The following EIF4G3 variants were observed in gnomAD, a reference collection of about 807,000 sequenced individuals.
EIF4G3 encodes eukaryotic translation initiation factor 4 gamma 3, also known as eIF-4-gamma 3.
A neutral mutation model predicts 186.4 loss-of-function variants in EIF4G3; 34 were observed. The ratio of observed to expected loss-of-function variants is 0.18; its 90% confidence interval spans 0.14 to 0.24. The LOEUF (loss-of-function observed/expected upper bound fraction) is 0.24, where lower values mean the gene tolerates loss of function less well. Among genes scored for constraint, EIF4G3 ranks in the 10% least tolerant of loss-of-function variants. The pLI is 1.00. For missense variants in EIF4G3, 1,536 were observed against 1,948.5 expected (o/e 0.79, Z 3.99); for synonymous variants, 673 against 679.5 (o/e 0.99, Z 0.15).
chr1:20,982,259 A>G (rs1355522807), intron 8 of EIF4G3, 129 bp downstream of exon 8: 5 of 695,768 alleles, frequency 7.2e-6, no homozygotes, highest in Non-Finnish European at 1.1e-5. Flanking sequence ...TGCAAGATTA[A>G]AAGCCTTGAA....
At chr1:20,816,115 C>G (rs80106457) in intron 34 of EIF4G3, among the ~76,000 whole-genome samples, 3 of 134,444 alleles carry the variant, frequency 2.2e-5, no homozygotes, top group East Asian at 2.3e-4. Context: ...ATCAGCCCCC[C>G]GCCCGGCCAG....
chr1:20,948,412 G>A (rs535616921), intron 13 of EIF4G3, among the ~76,000 whole-genome samples: 220 of 152,214 alleles, frequency 1.4e-3, no homozygotes, highest in Non-Finnish European at 2.5e-3. Flanking sequence ...GCAGTTTTTT[G>A]AAGCATGCCA....
intron 29 of EIF4G3, chr1:20,847,818 C>A (rs1165568245): frequency 2.1e-6 from 1 of 471,764 alleles, no homozygotes; most frequent in Non-Finnish European, 4.4e-6. Context: ...CCACCTCACT[C>A]ATCATCAAAA....
chr1:21,084,608 C>T (rs1376053189), intron 3 of EIF4G3, among the ~76,000 whole-genome samples: 1 of 152,162 alleles, frequency 6.6e-6, no homozygotes, highest in Non-Finnish European at 1.5e-5. Context: ...TCCCTCCATT[C>T]CAGCCACACT....
At position 21,035,417 on chromosome 1, in the gene EIF4G3, C is replaced by T. The variant is rs151311150; in HGVS notation, c.-67+15449G>A. ...AGGTCATGGCTGTGGGCCCAGGCCTCTCAATGCTCTCAGGGGCCTGGGAGA... is the reference window on the plus strand; with the variant it reads ...AGGTCATGGCTGTGGGCCCAGGCCTTTCAATGCTCTCAGGGGCCTGGGAGA... On this transcript the variant is annotated intron_variant, in intron 4 of 36. Transcript: ENST00000602326. 1.8e-3 allele frequency among the ~76,000 whole-genome samples: 273 copies of T among 152,298 alleles called. 1 individual carries two copies. The highest frequency in any genetic ancestry group is 6.1e-3 in the African/African-American group (253 of 41,582).
intron 7 of EIF4G3, among the ~76,000 whole-genome samples, chr1:20,983,497 CAG>C (rs1411441016): frequency 5.9e-5 from 9 of 152,182 alleles, no homozygotes; most frequent in Non-Finnish European, 1.0e-4. Flanking sequence ...ACAAAGCAAA[CAG>C]AATCTATCAT....
chr1:21,153,618 T>C (rs894096388), intron 2 of EIF4G3, among the ~76,000 whole-genome samples: 2 of 152,126 alleles, frequency 1.3e-5, no homozygotes, highest in Admixed American at 1.3e-4. Flanking sequence ...TGCAGTGCAA[T>C]GAATTGCACA....
chr1:20,898,998 G>A (rs2089424991), intron 16 of EIF4G3, among the ~76,000 whole-genome samples: 1 of 152,166 alleles, frequency 6.6e-6, no homozygotes, highest in Non-Finnish European at 1.5e-5. Flanking sequence ...CCTAAGTGCT[G>A]GGATTACAGG....
rs573470060 is a variant in EIF4G3 at position 20,925,809 on chromosome 1, C to T, written c.1663+15682G>A. Among the ~76,000 whole-genome samples the T allele has an allele frequency of 5.3e-5, 8 of 152,298 alleles. No homozygotes were observed. The South Asian group carries it at 1.2e-3, about 24-fold the overall frequency. On this transcript the variant is annotated intron_variant, in intron 14 of 36. Coordinates refer to ENST00000602326, the MANE Select transcript of EIF4G3 (RefSeq NM_001391906.1). ...AGCCTTGCAAAGTGCTGGGATTATA[C>T]GTGTGAGCCACAGCAGCCAGCCTAC... is the stretch of plus-strand genomic sequence containing the variant.
Position 20,882,176 on chromosome 1 carries a change from TACACAC to T in EIF4G3, c.2425-2662_2425-2657del, listed in dbSNP as rs138208807. Among the ~76,000 whole-genome samples the T allele has an allele frequency of 1.7e-3, 146 of 87,022 alleles. 1 individual carries two copies. Among genetic ancestry groups the T allele is most frequent in the African/African-American group, 2.2e-3 (64 of 29,524 alleles). 57.1% of individuals were successfully genotyped at this position (87,022 alleles called of 152,430 possible). The stretch of plus-strand genomic sequence containing the variant: ...ACCCTGTCTCCAAAAAAAGAAAAAT[TACACAC>T]ACACACACACACACACACACACACA... On this transcript the variant is annotated intron_variant, in intron 19 of 36. Transcript: ENST00000602326.
chr1:21,063,720 T>TGGGG (rs148563014), intron 3 of EIF4G3, among the ~76,000 whole-genome samples: 1 of 54,852 alleles, frequency 1.8e-5, no homozygotes, highest in Non-Finnish European at 3.4e-5. Flanking sequence ...GGGGGGGTGT[T>TGGGG]GGGGGGGGGG....
intron 4 of EIF4G3, among the ~76,000 whole-genome samples, chr1:21,012,563 A>T (rs2087483928): frequency 6.6e-6 from 1 of 152,228 alleles, no homozygotes; most frequent in African/African-American, 2.4e-5. Context: ...TACCGACCAA[A>T]GTACCTTTGT....
intron 4 of EIF4G3, among the ~76,000 whole-genome samples, chr1:21,028,150 T>C (rs2092368238): frequency 6.6e-6 from 1 of 152,212 alleles, no homozygotes; most frequent in Non-Finnish European, 1.5e-5. Context: ...AGGGAAGTTA[T>C]TGTTTAATGG....
intron 3 of EIF4G3, among the ~76,000 whole-genome samples, chr1:21,059,582 C>T (rs914972055): frequency 2.0e-5 from 3 of 151,988 alleles, no homozygotes; most frequent in African/African-American, 7.2e-5. Context: ...GGCATTCCTC[C>T]TTGCTCTACT....
intron 4 of EIF4G3, among the ~76,000 whole-genome samples, chr1:21,009,441 A>G (rs2086301902): frequency 6.6e-6 from 1 of 152,108 alleles, no homozygotes; most frequent in Non-Finnish European, 1.5e-5. Flanking sequence ...TCAGCCTCCC[A>G]AAGTGTTGGG....
chr1:21,011,670 T>A (rs2087151801), intron 4 of EIF4G3, among the ~76,000 whole-genome samples: 1 of 152,222 alleles, frequency 6.6e-6, no homozygotes, highest in Non-Finnish European at 1.5e-5. Context: ...TAGCCACAAA[T>A]ATCTTCCTTC....
chr1:20,955,579 T>C (rs1323835590), intron 12 of EIF4G3, among the ~76,000 whole-genome samples: 1 of 152,148 alleles, frequency 6.6e-6, no homozygotes, highest in Non-Finnish European at 1.5e-5. Flanking sequence ...GAGAATGAAC[T>C]AGAGCAAGGA....
At chr1:20,829,653 C>A (rs1006910133) in intron 30 of EIF4G3, among the ~76,000 whole-genome samples, 3 of 152,150 alleles carry the variant, frequency 2.0e-5, no homozygotes, top group African/African-American at 4.8e-5. Flanking sequence ...AAAGAATTCA[C>A]CACAGTTGAA....
At chr1:20,903,705 C>T (rs902518466) in intron 15 of EIF4G3, among the ~76,000 whole-genome samples, 12 of 152,124 alleles carry the variant, frequency 7.9e-5, no homozygotes, top group Non-Finnish European at 1.0e-4. Flanking sequence ...CATCATGTAA[C>T]AGCAATGAAG....
Sources: allele counts gnomAD v4.1 joint callset (sites outside exome capture counted in the v4.1 genomes callset), GRCh38; gene constraint gnomAD v4.1.1; transcripts MANE v1.5; gene names NCBI Gene and HGNC (gene_info 2026-07-23, HGNC 2026-07-21).